Variants in OLFM2 observed in about 807,000 individuals in gnomAD.
The protein encoded by OLFM2 is olfactomedin 2, also known as noelin-2.
OLFM2 carries 20 observed loss-of-function variants against 43.9 expected under a neutral mutation model. That is an observed-to-expected ratio of 0.46 (90% CI 0.32 to 0.66). OLFM2 has a LOEUF of 0.66. Among genes scored for constraint, OLFM2 ranks in the 30% least tolerant of loss-of-function variants. The pLI is 0.04. For synonymous variants in OLFM2, 268 were observed against 278.6 expected (o/e 0.96, Z 0.38); for missense variants, 416 against 643.6 (o/e 0.65, Z 3.83).
chr19:9,871,530 G>A (rs530030604), intron 1 of OLFM2, among the ~76,000 whole-genome samples: 2 of 146,422 alleles, frequency 1.4e-5, no homozygotes, highest in South Asian at 2.1e-4. Context: ...CTGAGATCCC[G>A]CCATTGCACT....
chr19:9,934,216 G>A (rs2086502018), intron 1 of OLFM2, among the ~76,000 whole-genome samples: 1 of 152,182 alleles, frequency 6.6e-6, no homozygotes, highest in East Asian at 1.9e-4. Context: ...AACGCCAAGG[G>A]GGTGTATGGG....
In OLFM2 at chr19:9,854,498, G is replaced by A; in HGVS notation, c.1053C>T (p.Asp351=). 1 of 1,613,920 alleles carries A rather than the reference G, an allele frequency of 6.2e-7. No individual in the cohort carries two copies. Among genetic ancestry groups the A allele is most frequent in the African/African-American group, 1.3e-5 (1 of 75,046 alleles). ...ACCGCATGACCTCGAGGGTGTGCGG[G>A]TCCAGCCGGCTGACCACGATGTTGC... ...NAGNIVVSRL[D]PHTLEVMRSW... The change falls in exon 6 of 6, where the codon GAC becomes GAT. Residue 351 remains aspartate, a synonymous_variant. Transcript: ENST00000264833. This position sits in a 1 kb window ranked among gnomAD's most constrained non-coding sequence, Gnocchi z 9.5.
At chr19:9,887,474 G>A (rs997857592) in intron 1 of OLFM2, among the ~76,000 whole-genome samples, 9 of 151,242 alleles carry the variant, frequency 6.0e-5, no homozygotes, top group African/African-American at 2.2e-4. Flanking sequence ...CCACCGCACC[G>A]CCCACCCTCT....
At chr19:9,935,974 C>G (rs907565592) in intron 1 of OLFM2, among the ~76,000 whole-genome samples, 5 of 152,182 alleles carry the variant, frequency 3.3e-5, no homozygotes, top group Non-Finnish European at 5.9e-5. Flanking sequence ...CAACCGCCCC[C>G]CTCCAATGCC....
At chr19:9,885,098 A>C (rs2046575251) in intron 1 of OLFM2, among the ~76,000 whole-genome samples, 1 of 152,150 alleles carries the variant, frequency 6.6e-6, no homozygotes, top group African/African-American at 2.4e-5. Flanking sequence ...CTTGAACTTC[A>C]AAACCCGGCT....
intron 1 of OLFM2, among the ~76,000 whole-genome samples, chr19:9,899,117 T>G (rs993780486): frequency 6.6e-6 from 1 of 151,632 alleles, no homozygotes. Flanking sequence ...ATACAAAAAT[T>G]AGACAGGCGT....
intron 1 of OLFM2, among the ~76,000 whole-genome samples, chr19:9,894,150 G>A (rs1021363255): frequency 6.6e-5 from 10 of 151,934 alleles, no homozygotes; most frequent in African/African-American, 9.7e-5. Context: ...AAAATTAGCC[G>A]GCCGTGGTGG....
chr19:9,905,800 T>A (rs986581511), intron 1 of OLFM2, among the ~76,000 whole-genome samples: 8 of 152,096 alleles, frequency 5.3e-5, no homozygotes, highest in African/African-American at 1.9e-4. Flanking sequence ...AAGAAAAGCT[T>A]TACCTGCAAG....
At chr19:9,875,069 C>A (rs2046473926) in intron 1 of OLFM2, among the ~76,000 whole-genome samples, 1 of 152,218 alleles carries the variant, frequency 6.6e-6, no homozygotes, top group Non-Finnish European at 1.5e-5. Flanking sequence ...CCCTGTTCCG[C>A]AGGCATCCCT....
chr19:9,932,549 G>A (rs979494711), intron 1 of OLFM2, among the ~76,000 whole-genome samples: 4 of 152,052 alleles, frequency 2.6e-5, no homozygotes, highest in African/African-American at 9.7e-5. Context: ...TCACTTAGCT[G>A]TTCAGGGTGA....
At chr19:9,876,368 G>T (rs928880699) in intron 1 of OLFM2, among the ~76,000 whole-genome samples, 4 of 152,176 alleles carry the variant, frequency 2.6e-5, no homozygotes, top group African/African-American at 9.6e-5. Flanking sequence ...GGAAGTGTTT[G>T]CTGCGAGTCC....
At chr19:9,921,396 G>A (rs1426831832) in intron 1 of OLFM2, among the ~76,000 whole-genome samples, 1 of 152,168 alleles carries the variant, frequency 6.6e-6, no homozygotes, top group Non-Finnish European at 1.5e-5. Flanking sequence ...TGGGAAGACA[G>A]GCATGAGCCA....
intron 1 of OLFM2, among the ~76,000 whole-genome samples, chr19:9,867,332 T>C (rs1363514846): frequency 6.6e-6 from 1 of 151,968 alleles, no homozygotes; most frequent in Non-Finnish European, 1.5e-5. Flanking sequence ...GATCGTGCCA[T>C]TGCACTCCAG....
chr19:9,897,688 C>A (rs2046698412), intron 1 of OLFM2, among the ~76,000 whole-genome samples: 1 of 152,014 alleles, frequency 6.6e-6, no homozygotes, highest in Non-Finnish European at 1.5e-5. Context: ...GCATGAGATG[C>A]CAGGTGGGGA....
chr19:9,879,260 G>A (rs2046518526), intron 1 of OLFM2, among the ~76,000 whole-genome samples: 1 of 152,200 alleles, frequency 6.6e-6, no homozygotes, highest in Non-Finnish European at 1.5e-5. Context: ...AGCCTCTCAA[G>A]TAGTTGGGAT....
At chr19:9,860,525 C>A in intron 2 of OLFM2, 120 bp downstream of exon 2, 1 of 1,100,526 alleles carries the variant, frequency 9.1e-7, no homozygotes. Context: ...GATTATCAGC[C>A]AGCTCTGAAT....
At chr19:9,935,420 G>C (rs1433691582) in intron 1 of OLFM2, among the ~76,000 whole-genome samples, 1 of 152,038 alleles carries the variant, frequency 6.6e-6, no homozygotes, top group Non-Finnish European at 1.5e-5. Flanking sequence ...CCAAGAGAAA[G>C]GTGCCATGGG....
chr19:9,885,403 A>T (rs1192628089), intron 1 of OLFM2, among the ~76,000 whole-genome samples: 6 of 152,182 alleles, frequency 3.9e-5, no homozygotes, highest in Non-Finnish European at 7.4e-5. Flanking sequence ...GATTGGCACA[A>T]ATGCCTGGTG....
chr19:9,889,060 C>T (rs1175209191), intron 1 of OLFM2, among the ~76,000 whole-genome samples: 33 of 145,186 alleles, frequency 2.3e-4, no homozygotes, highest in African/African-American at 7.6e-4. Flanking sequence ...AGCGAGACTC[C>T]GTCTCAAAAA....
Sources: allele counts gnomAD v4.1 joint callset (sites outside exome capture counted in the v4.1 genomes callset), GRCh38; gene constraint gnomAD v4.1.1; non-coding constraint Gnocchi (gnomAD v3.1); transcripts MANE v1.5; gene names NCBI Gene and HGNC (gene_info 2026-07-23, HGNC 2026-07-21).